MTHFD2L: variants seen among roughly 807,000 people sequenced by gnomAD.
MTHFD2L encodes the protein methylenetetrahydrofolate dehydrogenase (NADP+ dependent) 2 like, also known as bifunctional methylenetetrahydrofolate dehydrogenase/cyclohydrolase 2, mitochondrial.
MTHFD2L carries 29 observed loss-of-function variants against 34.9 expected under a neutral mutation model. The observed-to-expected ratio is 0.83, with a 90% CI of 0.62 to 1.13. MTHFD2L has a LOEUF of 1.13. MTHFD2L is among the 50% of genes most tolerant of loss of function. The pLI is 0.00. For synonymous variants in MTHFD2L, 167 were observed against 155.7 expected (o/e 1.07, Z -0.54); for missense variants, 481 against 446.5 (o/e 1.08, Z -0.70).
intron 5 of MTHFD2L, among the ~76,000 whole-genome samples, chr4:74,218,719 T>A (rs967130993): frequency 2.6e-5 from 4 of 152,190 alleles, no homozygotes; most frequent in African/African-American, 9.6e-5. Flanking sequence ...TGCTTCAAAT[T>A]GGCATTCTGT....
At chr4:74,119,732 G>A (rs1408189937), upstream of MTHFD2L, among the ~76,000 whole-genome samples, 4 of 151,978 alleles carry the variant, frequency 2.6e-5, no homozygotes, top group Admixed American at 6.6e-5. Flanking sequence ...CCAGTGAGCC[G>A]AGATCGTGCC....
intron 5 of MTHFD2L, among the ~76,000 whole-genome samples, chr4:74,210,458 A>ATTACTTTTTTTTGTG (rs1384149957): frequency 6.6e-6 from 1 of 152,164 alleles, no homozygotes; most frequent in Non-Finnish European, 1.5e-5. Context: ...TCCTTTCCCC[A>ATTACTTTTTTTTGTG]TTACTTTTTT....
chr4:74,213,552 T>C (rs1736697382), intron 5 of MTHFD2L, among the ~76,000 whole-genome samples: 1 of 152,228 alleles, frequency 6.6e-6, no homozygotes. Context: ...CTGTAGTGTT[T>C]CTGCAGAGAG....
intron 1 of MTHFD2L, among the ~76,000 whole-genome samples, chr4:74,158,897 C>G (rs1724790536): frequency 6.6e-6 from 1 of 152,182 alleles, no homozygotes. Context: ...ACGCACTCTT[C>G]TATCTTATGC....
upstream of MTHFD2L, chr4:74,157,674 C>CA (rs1057136401): frequency 2.2e-6 from 1 of 457,190 alleles, no homozygotes; most frequent in African/African-American, 2.0e-5. Context: ...AGGAATCTCA[C>CA]AAAGGAAGTG....
intron 1 of MTHFD2L, chr4:74,160,198 C>G (rs969085182): frequency 1.7e-5 from 15 of 857,428 alleles, no homozygotes; most frequent in Non-Finnish European, 2.3e-5. Context: ...TTAAGTCTGA[C>G]ATCTTTTCTT....
At chr4:74,158,315 C>T in intron 1 of MTHFD2L, 34 bp downstream of exon 1, 1 of 1,241,430 alleles carries the variant, frequency 8.1e-7, no homozygotes. Context: ...TGCGGAGCCG[C>T]TGGCGGTGGG....
intron 6 of MTHFD2L, among the ~76,000 whole-genome samples, chr4:74,249,626 G>T (rs1743024582): frequency 1.3e-5 from 2 of 152,014 alleles, no homozygotes; most frequent in African/African-American, 4.8e-5. Context: ...TACCTGTTGT[G>T]CCTTTCCATG....
intron 1 of MTHFD2L, chr4:74,143,331 A>G: frequency 1.3e-6 from 1 of 796,882 alleles, no homozygotes; most frequent in Non-Finnish European, 1.5e-6. Flanking sequence ...GGCTGGTGAC[A>G]GTGAAGGCAA....
chr4:74,157,987 C>G, upstream of MTHFD2L: 2 of 1,220,428 alleles, frequency 1.6e-6, no homozygotes, highest in Non-Finnish European at 2.3e-6. Context: ...GGGAACCGCT[C>G]TTTACCCCAC....
At chr4:74,226,468 A>G (rs1044594524) in intron 6 of MTHFD2L, among the ~76,000 whole-genome samples, 3 of 152,164 alleles carry the variant, frequency 2.0e-5, no homozygotes, top group Admixed American at 2.0e-4. Flanking sequence ...GAATATATGT[A>G]TATGTATACT....
intron 3 of MTHFD2L, among the ~76,000 whole-genome samples, chr4:74,176,977 C>A (rs1729169804): frequency 6.6e-6 from 1 of 151,804 alleles, no homozygotes; most frequent in African/African-American, 2.4e-5. Flanking sequence ...GTGCTGTTTA[C>A]ATTATATCAA....
chr4:74,185,084 G>A (rs1032564684), intron 3 of MTHFD2L, among the ~76,000 whole-genome samples: 1 of 147,444 alleles, frequency 6.8e-6, no homozygotes, highest in Admixed American at 6.8e-5. Context: ...CCTGGGAGGC[G>A]GAGCTTGCAG....
At chr4:74,206,536 T>C (rs1735356110) in intron 5 of MTHFD2L, among the ~76,000 whole-genome samples, 1 of 152,146 alleles carries the variant, frequency 6.6e-6, no homozygotes, top group Non-Finnish European at 1.5e-5. Flanking sequence ...GTGGAGTCTT[T>C]TTTAAGGCTA....
At chr4:74,126,337 A>G (rs1157725394) in intron 1 of MTHFD2L, among the ~76,000 whole-genome samples, 1 of 152,188 alleles carries the variant, frequency 6.6e-6, no homozygotes, top group Non-Finnish European at 1.5e-5. Context: ...TGTGAACTAT[A>G]TATACATTTC....
intron 6 of MTHFD2L, among the ~76,000 whole-genome samples, chr4:74,237,493 A>G (rs1026270866): frequency 7.2e-5 from 11 of 152,198 alleles, no homozygotes; most frequent in African/African-American, 2.7e-4. Flanking sequence ...CACTAAAAAT[A>G]CAAAAATTAG....
chr4:74,208,445 C>T (rs189270458), intron 5 of MTHFD2L, among the ~76,000 whole-genome samples: 1 of 152,254 alleles, frequency 6.6e-6, no homozygotes, highest in East Asian at 1.9e-4. Context: ...AACAGTAAAG[C>T]TTATTTTAAA....
chr4:74,208,702 C>T (rs1262279566), intron 5 of MTHFD2L, among the ~76,000 whole-genome samples: 1 of 152,094 alleles, frequency 6.6e-6, no homozygotes, highest in Admixed American at 6.6e-5. Context: ...TCCCAGATTA[C>T]CACCCAGGAA....
intron 5 of MTHFD2L, 51 bp from the exon 6 acceptor site, chr4:74,225,251 A>G: frequency 7.2e-7 from 1 of 1,389,888 alleles, no homozygotes. Context: ...GAGCATTTAT[A>G]AAATTTTTAA....
Sources: gnomAD v4.1 joint callset for allele counts (sites outside exome capture counted in the v4.1 genomes callset) on GRCh38, gnomAD v4.1.1 for gene constraint, MANE v1.5 for transcripts, NCBI Gene and HGNC (gene_info 2026-07-23, HGNC 2026-07-21) for gene names.